The following MGST1 variants were observed in gnomAD, a reference collection of about 807,000 sequenced individuals.
MGST1 encodes the protein glutathione S-transferase 12.
In MGST1, 5 loss-of-function variants were observed where a neutral mutation model predicts 8.9. The ratio of observed to expected loss-of-function variants is 0.56; its 90% CI spans 0.29 to 1.19. The LOEUF is 1.19. Among genes scored for constraint, MGST1 ranks in the 50% most tolerant of loss-of-function variants. MGST1 has a pLI of 0.08. For synonymous variants in MGST1, 54 were observed against 67.8 expected (o/e 0.80, Z 1.00); for missense variants, 182 against 187.4 (o/e 0.97, Z 0.17).
Position 16,544,252 on chromosome 12 carries a change from AC to A in MGST1, n.483-45275del, listed in dbSNP as rs1395593736. ...CACACACACACACACACACACACACACACACACACACAAAACATAACCTACT... is the reference window on the plus strand; with the variant it reads ...CACACACACACACACACACACACACAACACACACACAAAACATAACCTACT... On this transcript the variant is annotated intron_variant and non_coding_transcript_variant, in intron 4 of 4. Coordinates refer to the MGST1 transcript ENST00000538857. This position sits in a 1 kb window ranked among gnomAD's most constrained non-coding sequence, Gnocchi z 4.8. Among the ~76,000 whole-genome samples, 2 of 151,492 alleles carry A rather than the reference AC, an allele frequency of 1.3e-5. No homozygotes were observed. The highest frequency in any genetic ancestry group is 4.8e-5 in the African/African-American group (2 of 41,238).
chr12:16,409,727 C>T (rs1437735032), intron 1 of MGST1, among the ~76,000 whole-genome samples: 1 of 152,066 alleles, frequency 6.6e-6, no homozygotes, highest in Non-Finnish European at 1.5e-5. Flanking sequence ...ATTTTGCCAG[C>T]GCTTTTTGCC....
intron 4 of MGST1, among the ~76,000 whole-genome samples, chr12:16,564,573 C>A (rs576902682): frequency 6.6e-6 from 1 of 152,300 alleles, no homozygotes; most frequent in South Asian, 2.1e-4. Context: ...TTTTATTTCA[C>A]AGCACCAGAT....
downstream of MGST1, among the ~76,000 whole-genome samples, chr12:16,589,806 A>G (rs181654085): frequency 2.2e-4 from 34 of 152,262 alleles, no homozygotes; most frequent in African/African-American, 7.9e-4. The surrounding 1 kb of genome is among the most constrained non-coding windows in gnomAD (Gnocchi z 4.2). Context: ...AGCATCTGCC[A>G]GGAAGAACAG....
intron 4 of MGST1, among the ~76,000 whole-genome samples, chr12:16,543,243 G>T (rs915207884): frequency 5.3e-5 from 8 of 152,068 alleles, no homozygotes; most frequent in African/African-American, 1.9e-4. Context: ...AGAAGCAGAG[G>T]CTTCCCCAGT....
intron 1 of MGST1, among the ~76,000 whole-genome samples, chr12:16,428,721 C>T (rs775988785): frequency 3.3e-5 from 5 of 151,780 alleles, no homozygotes; most frequent in Non-Finnish European, 7.4e-5. Flanking sequence ...AAATGTTTTT[C>T]GGATTTTATG....
chr12:16,408,279 C>A (rs1255922213), intron 1 of MGST1, among the ~76,000 whole-genome samples: 1 of 151,986 alleles, frequency 6.6e-6, no homozygotes, highest in Non-Finnish European at 1.5e-5. Context: ...GGGTATTAGA[C>A]TTAGTACCTG....
downstream of MGST1, among the ~76,000 whole-genome samples, chr12:16,380,989 C>T (rs535201479): frequency 2.0e-5 from 3 of 152,130 alleles, no homozygotes; most frequent in South Asian, 2.1e-4. Flanking sequence ...CTTTTCCATT[C>T]GCTTGGTAGC....
chr12:16,446,415 T>A lies in MGST1; in HGVS notation n.482+62811T>A, dbSNP rs188959810. On this transcript the variant is annotated intron_variant and non_coding_transcript_variant, in intron 4 of 4. Coordinates refer to the MGST1 transcript ENST00000538857. ...AATGGAGAAATGACCATGACTTTTT[T>A]AAATCAAGGTCGCCATCTTCAGCCT... Among the ~76,000 whole-genome samples the A allele has an allele frequency of 9.9e-4, 151 of 152,078 alleles. 1 individual carries two copies. The Middle Eastern group carries it at 0.017, about 17-fold the overall frequency.
At chr12:16,578,616 G>T (rs1283899298) in intron 4 of MGST1, among the ~76,000 whole-genome samples, 1 of 152,082 alleles carries the variant, frequency 6.6e-6, no homozygotes, top group Non-Finnish European at 1.5e-5. Context: ...TCAGGAGTTC[G>T]AGACCAGCTT....
chr12:16,491,980 A>C (rs1028756923), intron 4 of MGST1, among the ~76,000 whole-genome samples: 7 of 152,178 alleles, frequency 4.6e-5, no homozygotes, highest in African/African-American at 1.4e-4. Flanking sequence ...ATGGCTTTCT[A>C]TATTGTTACA....
intron 4 of MGST1, among the ~76,000 whole-genome samples, chr12:16,494,979 T>C (rs918055200): frequency 6.6e-6 from 1 of 152,140 alleles, no homozygotes; most frequent in Non-Finnish European, 1.5e-5. Context: ...AACTTTGAGG[T>C]CAAACAAACA....
chr12:16,393,635 G>A (rs1038139411), intron 1 of MGST1, among the ~76,000 whole-genome samples: 1 of 152,196 alleles, frequency 6.6e-6, no homozygotes, highest in Non-Finnish European at 1.5e-5. Context: ...TGATCTTGAG[G>A]GACATGGGTT....
rs551291154 is a variant in MGST1, at chr12:16,399,427, G to T, written n.778+15823G>T. On this transcript the variant is annotated intron_variant and non_coding_transcript_variant, in intron 1 of 1. Coordinates refer to the MGST1 transcript ENST00000359720. ...TCTTCTTCCTTATAACAACTTTCTT[G>T]GTCCGCTTTTCGGGCTTCTTCCTCC... 4.6e-6 allele frequency: 7 copies of T among 1,524,858 alleles called. No homozygotes were observed. The East Asian group carries it at 9.0e-5, about 20-fold the overall frequency. 94.5% of individuals were successfully genotyped at this position (1,524,858 alleles called of 1,614,324 possible).
chr12:16,427,852 T>A (rs1313178935), intron 1 of MGST1, among the ~76,000 whole-genome samples: 2 of 152,162 alleles, frequency 1.3e-5, no homozygotes, highest in Non-Finnish European at 2.9e-5. Flanking sequence ...ATACTTATAT[T>A]GGATCTTTTA....
Position 16,546,501 on chromosome 12 carries a change from T to A in MGST1, n.483-43027T>A, listed in dbSNP as rs1370758305. Among the ~76,000 whole-genome samples, 1 of 152,172 alleles carries A rather than the reference T, an allele frequency of 6.6e-6. No homozygotes were observed. The highest frequency in any genetic ancestry group is 1.5e-5 in the Non-Finnish European group (1 of 68,006). On this transcript the variant is annotated intron_variant and non_coding_transcript_variant, in intron 4 of 4. Transcript: ENST00000538857. This position sits in a 1 kb window ranked among gnomAD's most constrained non-coding sequence, Gnocchi z 4.7. ...AACACAAAACCTAGTTGATCCAAGA[T>A]GATTTGGTCTTTATAATTTTGTGCA...
chr12:16,486,277 A>T (rs1375288714), intron 4 of MGST1, among the ~76,000 whole-genome samples: 1 of 152,220 alleles, frequency 6.6e-6, no homozygotes, highest in African/African-American at 2.4e-5. Context: ...TGTAAGTTTC[A>T]TCAGCTAAGG....
intron 4 of MGST1, chr12:16,573,740 A>G (rs1194194488): frequency 6.6e-6 from 1 of 152,148 alleles, no homozygotes; most frequent in Admixed American, 6.5e-5. Flanking sequence ...GCCCTGAGGG[A>G]TTGCAAAACA....
At chr12:16,516,061 T>C (rs1941612881) in intron 4 of MGST1, among the ~76,000 whole-genome samples, 1 of 152,186 alleles carries the variant, frequency 6.6e-6, no homozygotes, top group African/African-American at 2.4e-5. Flanking sequence ...AAGAGAATTT[T>C]ATTTACTCAT....
intron 4 of MGST1, among the ~76,000 whole-genome samples, chr12:16,539,034 C>A (rs953031753): frequency 2.0e-5 from 3 of 152,140 alleles, no homozygotes; most frequent in Non-Finnish European, 4.4e-5. Flanking sequence ...GGGGAAACCA[C>A]CCCCATGATT....
Sources: allele counts gnomAD v4.1 joint callset (sites outside exome capture counted in the v4.1 genomes callset), GRCh38; gene constraint gnomAD v4.1.1; non-coding constraint Gnocchi (gnomAD v3.1); transcripts MANE v1.5; gene names NCBI Gene and HGNC (gene_info 2026-07-23, HGNC 2026-07-21).